Variants in CRTAM observed in about 807,000 individuals in gnomAD.
The protein encoded by CRTAM is cytotoxic and regulatory T cell molecule.
A neutral mutation model predicts 50.0 loss-of-function variants in CRTAM; 44 were observed. That is an observed-to-expected ratio of 0.88 (90% CI 0.69 to 1.13). The LOEUF (loss-of-function observed/expected upper bound fraction) is 1.13. Ranked by LOEUF, CRTAM falls within the 50% of genes most tolerant of loss-of-function variation. The pLI, the probability that CRTAM is intolerant of heterozygous loss-of-function variation, is 0.00. For missense variants in CRTAM, 448 were observed against 457.5 expected (o/e 0.98, Z 0.19); for synonymous variants, 159 against 169.3 (o/e 0.94, Z 0.47).
intron 1 of CRTAM, among the ~76,000 whole-genome samples, chr11:122,842,765 T>G (rs1861814571): frequency 6.6e-6 from 1 of 151,988 alleles, no homozygotes; most frequent in Admixed American, 6.6e-5. Context: ...GAAAGAAGAG[T>G]TTAGAGCACC....
At chr11:122,850,782 A>G (rs1282360075) in intron 2 of CRTAM, among the ~76,000 whole-genome samples, 2 of 152,242 alleles carry the variant, frequency 1.3e-5, no homozygotes, top group Non-Finnish European at 2.9e-5. Context: ...ACACATGAAG[A>G]AAGTACAAGA....
At position 122,867,453 on chromosome 11, in the gene CRTAM, A is replaced by G. The variant is rs894118996; in HGVS notation, c.862A>G (p.Ile288Val). 8.7e-6 allele frequency: 14 copies of G among 1,613,896 alleles called. No homozygotes were observed. Among genetic ancestry groups the G allele is most frequent in the South Asian group, 3.3e-5 (3 of 91,084 alleles). ...AGGACTGGCAAGAAAGAAAAGTGGCATCCTGCTGCTCACGCTGGTGTCCTT... is the reference window on the plus strand; with the variant it reads ...AGGACTGGCAAGAAAGAAAAGTGGCGTCCTGCTGCTCACGCTGGTGTCCTT... ...YLGLARKKSG[I>V]LLLTLVSFLI... is the part of the protein sequence containing the mutation. The change falls in exon 8 of 10, where the codon ATC becomes GTC. Residue 288 changes from isoleucine to valine, a missense_variant. Physicochemically the swap from Ile to Val is conservative, Grantham distance 29 (BLOSUM62 3). Coordinates refer to ENST00000227348, the MANE Select transcript of CRTAM (RefSeq NM_019604.4).
At chr11:122,871,181 A>C in intron 9 of CRTAM, 88 bp from the exon 10 acceptor site, 1 of 1,267,654 alleles carries the variant, frequency 7.9e-7, no homozygotes, top group Non-Finnish European at 1.1e-6. Flanking sequence ...GTGAACCTAA[A>C]AATATGATAT....
Position 122,871,505 on chromosome 11 carries a change from T to A in CRTAM, c.*106T>A. On this transcript the variant is annotated 3_prime_UTR_variant, in exon 10 of 10. Coordinates refer to ENST00000227348, the MANE Select transcript of CRTAM (RefSeq NM_019604.4). ...TGCTGAGACATTAATAATGACCTCT[T>A]AGTGCAATGCAAGATGGTGTCCTCG... 1 of 933,916 alleles carries A rather than the reference T, an allele frequency of 1.1e-6. No homozygotes were observed. The highest frequency in any genetic ancestry group is 1.6e-6 in the Non-Finnish European group (1 of 633,580). 57.9% of individuals were successfully genotyped at this position (933,916 alleles called of 1,614,324 possible).
At chr11:122,858,146 C>A (rs1461218510) in intron 5 of CRTAM, among the ~76,000 whole-genome samples, 1 of 152,114 alleles carries the variant, frequency 6.6e-6, no homozygotes, top group Non-Finnish European at 1.5e-5. Flanking sequence ...CTCCTAGGCT[C>A]AAGAAATTCT....
In CRTAM at chr11:122,854,217, A is replaced by G. The variant is rs1861975131; in HGVS notation, c.490+131A>G. ...TTTAATATTTCATCAGCTCTTTTCC[A>G]GACAAGTTATTCTTACAACCAATCA... On this transcript the variant is annotated intron_variant, in intron 4 of 9. Coordinates refer to ENST00000227348, the MANE Select transcript of CRTAM (RefSeq NM_019604.4). The G allele has an allele frequency of 4.7e-6, 4 of 853,294 alleles. No individual in the cohort carries two copies. In the South Asian group the frequency reaches 9.2e-5, roughly 20 times the overall value. 52.9% of individuals were successfully genotyped at this position (853,294 alleles called of 1,614,324 possible).
Position 122,871,459 on chromosome 11 carries a change from G to C in CRTAM, c.*60G>C. 1 of 1,500,534 alleles carries C rather than the reference G, an allele frequency of 6.7e-7. No homozygotes were observed. The highest frequency in any genetic ancestry group is 9.1e-7 in the Non-Finnish European group (1 of 1,102,816). The allele number at this position is 1,500,534 out of a possible 1,614,324, so 93.0% of individuals were successfully genotyped here. A position where few individuals can be genotyped will look rare whatever the true frequency, so the allele number is the denominator to read the frequency against. ...GCCGCAGTGTCACCTCAGTGGACCA[G>C]CCTGGGGGAAGGAGCTTAATTGCTG... is the stretch of plus-strand genomic sequence containing the variant. On this transcript the variant is annotated 3_prime_UTR_variant, in exon 10 of 10. Coordinates refer to ENST00000227348, the MANE Select transcript of CRTAM (RefSeq NM_019604.4).
chr11:122,856,449 A>T (rs1470689440), intron 5 of CRTAM, among the ~76,000 whole-genome samples: 1 of 152,264 alleles, frequency 6.6e-6, no homozygotes, highest in Non-Finnish European at 1.5e-5. Context: ...CCAAAAGTCC[A>T]AGAAATAATT....
intron 9 of CRTAM, among the ~76,000 whole-genome samples, chr11:122,870,527 C>T (rs1056191792): frequency 6.6e-6 from 1 of 152,196 alleles, no homozygotes; most frequent in Non-Finnish European, 1.5e-5. Flanking sequence ...ACCCTCAAAT[C>T]TAGCATTTTA....
intron 9 of CRTAM, among the ~76,000 whole-genome samples, chr11:122,868,387 C>CT (rs1288906926): frequency 6.6e-6 from 1 of 152,018 alleles, no homozygotes; most frequent in African/African-American, 2.4e-5. Flanking sequence ...GGACCGCCAG[C>CT]GTTAAGTCCT....
intron 9 of CRTAM, 30 bp downstream of exon 9, chr11:122,868,129 A>G: frequency 7.4e-7 from 1 of 1,357,972 alleles, no homozygotes; most frequent in Non-Finnish European, 1.1e-6. Context: ...TGAGATCTGA[A>G]CAATGAGGTT....
intron 7 of CRTAM, among the ~76,000 whole-genome samples, chr11:122,866,386 G>A (rs1371552676): frequency 6.6e-6 from 1 of 152,004 alleles, no homozygotes; most frequent in African/African-American, 2.4e-5. Flanking sequence ...AATACATATG[G>A]ATCCAGAATT....
intron 1 of CRTAM, among the ~76,000 whole-genome samples, chr11:122,839,994 G>A (rs1168620734): frequency 6.6e-6 from 1 of 152,206 alleles, no homozygotes; most frequent in Non-Finnish European, 1.5e-5. Flanking sequence ...TTAAAGAATA[G>A]CTAATACATT....
At chr11:122,839,593 C>G (rs1861775041) in intron 1 of CRTAM, among the ~76,000 whole-genome samples, 1 of 152,088 alleles carries the variant, frequency 6.6e-6, no homozygotes, top group South Asian at 2.1e-4. Flanking sequence ...TGGAGCAGGT[C>G]AAATTATTTT....
chr11:122,864,522 G>C (rs1862142438), intron 6 of CRTAM, 114 bp from the exon 7 acceptor site: 1 of 644,432 alleles, frequency 1.6e-6, no homozygotes, highest in Admixed American at 2.7e-5. Flanking sequence ...TCTCAGTACT[G>C]TTTTTAAATT....
chr11:122,839,134 G>T (rs1244731314), intron 1 of CRTAM, among the ~76,000 whole-genome samples: 1 of 151,924 alleles, frequency 6.6e-6, no homozygotes, highest in African/African-American at 2.4e-5. Context: ...GGGTTTCACC[G>T]TGTTAGCCAG....
intron 2 of CRTAM, among the ~76,000 whole-genome samples, 172 bp from the exon 3 acceptor site, chr11:122,851,521 G>A (rs917398747): frequency 6.6e-6 from 1 of 152,186 alleles, no homozygotes; most frequent in South Asian, 2.1e-4. Flanking sequence ...TAGCTCAGTG[G>A]TTCCCCACCC....
At chr11:122,838,685 C>A in intron 1 of CRTAM, 93 bp downstream of exon 1, 1 of 1,228,400 alleles carries the variant, frequency 8.1e-7, no homozygotes, top group Non-Finnish European at 1.2e-6. Flanking sequence ...TACAGAGGAG[C>A]TGCTGTAGAA....
intron 1 of CRTAM, among the ~76,000 whole-genome samples, chr11:122,839,775 G>T (rs1440766965): frequency 6.6e-6 from 1 of 152,132 alleles, no homozygotes; most frequent in Non-Finnish European, 1.5e-5. Flanking sequence ...TTCATGAAAT[G>T]CACCTATCCT....
Sources: gnomAD v4.1 joint callset for allele counts (sites outside exome capture counted in the v4.1 genomes callset) on GRCh38, gnomAD v4.1.1 for gene constraint, MANE v1.5 for transcripts, NCBI Gene and HGNC (gene_info 2026-07-23, HGNC 2026-07-21) for gene names.